Variants in PCDHA8 observed in about 807,000 individuals in gnomAD.
The protein encoded by PCDHA8 is protocadherin alpha 8.
PCDHA8 carries 53 observed loss-of-function variants against 61.8 expected under a neutral mutation model. The observed-to-expected ratio is 0.86, with a 90% CI of 0.69 to 1.08. PCDHA8 has a LOEUF of 1.08. PCDHA8 is among the 50% of genes least tolerant of loss of function. The pLI, the probability that PCDHA8 is intolerant of heterozygous loss-of-function variation, is 0.00. For missense variants in PCDHA8, 1,293 were observed against 1,245.0 expected, an observed-to-expected ratio of 1.04 and a Z score of -0.58; for synonymous variants, 618 against 556.6, an observed-to-expected ratio of 1.11 and a Z score of -1.55.
intron 1 of PCDHA8, among the ~76,000 whole-genome samples, chr5:140,846,179 C>T (rs1250648449): frequency 1.3e-5 from 2 of 149,312 alleles, no homozygotes; most frequent in African/African-American, 4.9e-5. Flanking sequence ...CCTGAGTAGG[C>T]GTTTGAGTTC....
chr5:140,945,605 C>G (rs564297850), intron 1 of PCDHA8, among the ~76,000 whole-genome samples: 1 of 152,166 alleles, frequency 6.6e-6, no homozygotes, highest in East Asian at 1.9e-4. Context: ...CTATAATAAT[C>G]AAAACAGCAT....
intron 2 of PCDHA8, 36 bp downstream of exon 2, chr5:140,979,043 C>G: frequency 6.2e-7 from 1 of 1,612,500 alleles, no homozygotes. Context: ...CAGAAGTAAC[C>G]TTAACTTGGT....
chr5:140,862,825 C>T (rs782012901), intron 1 of PCDHA8: 2 of 572,056 alleles, frequency 3.5e-6, no homozygotes, highest in Non-Finnish European at 6.7e-6. Context: ...GGTGAGAGCG[C>T]GCGACGCGGG....
At chr5:140,903,269 G>A (rs1251669520) in intron 1 of PCDHA8, among the ~76,000 whole-genome samples, 4 of 152,140 alleles carry the variant, frequency 2.6e-5, no homozygotes, top group African/African-American at 4.8e-5. Context: ...CAGGAGTGAG[G>A]TAGTGTCTCA....
chr5:140,857,868 C>T (rs782242383), intron 1 of PCDHA8: 2 of 1,597,584 alleles, frequency 1.3e-6, no homozygotes, highest in South Asian at 1.1e-5. Flanking sequence ...GCGTGGCTGT[C>T]GTATGAATTG....
intron 1 of PCDHA8, chr5:140,875,737 C>G: frequency 2.5e-6 from 4 of 1,614,224 alleles, no homozygotes; most frequent in Non-Finnish European, 3.4e-6. Flanking sequence ...TGTGAATTCT[C>G]GGATCGACCG....
rs76093196 is a variant in PCDHA8, at chr5:140,971,173, C to G, written c.2395-7776C>G. Reference sequence around the variant, plus strand: ...AGGCCAGGCTCAGCTTTGCCACCAGCTGTAAGCCGGAAGCTCAGAGGAAAG... The same window carrying G: ...AGGCCAGGCTCAGCTTTGCCACCAGGTGTAAGCCGGAAGCTCAGAGGAAAG... On this transcript the variant is annotated intron_variant, in intron 1 of 3. Transcript: ENST00000531613. Among the ~76,000 whole-genome samples the G allele has an allele frequency of 3.8e-3, 583 of 152,260 alleles. 1 individual carries two copies. Among genetic ancestry groups the G allele is most frequent in the Non-Finnish European group, 7.2e-3 (492 of 68,018 alleles).
rs2150362232 is a variant in PCDHA8, at chr5:140,843,537, T to C, written c.2216T>C (p.Leu739Pro). 3.1e-6 allele frequency: 5 copies of C among 1,595,784 alleles called. No individual in the cohort carries two copies. Among genetic ancestry groups the C allele is most frequent in the Non-Finnish European group, 4.3e-6 (5 of 1,165,476 alleles). ...EGGCRAGKPT[L>P]VCSSAVGSWS... ...GGGTGCCGGGCGGGCAAGCCCACTC[T>C]GGTGTGCTCCAGTGCGGTGGGGAGC... The change falls in exon 1 of 4, where the codon CTG becomes CCG. Residue 739 changes from leucine (L) to proline (P), a missense_variant. Leu to Pro is a moderately conservative substitution (Grantham distance 98). Coordinates refer to ENST00000531613, the MANE Select transcript of PCDHA8 (RefSeq NM_018911.3).
chr5:140,897,253 T>C (rs1481151592), intron 1 of PCDHA8, among the ~76,000 whole-genome samples: 1 of 151,928 alleles, frequency 6.6e-6, no homozygotes, highest in East Asian at 1.9e-4. Flanking sequence ...TACATATGTA[T>C]ACATGTGCCA....
intron 1 of PCDHA8, chr5:140,849,381 GA>G: frequency 6.6e-7 from 1 of 1,514,878 alleles, no homozygotes; most frequent in African/African-American, 1.5e-5. Flanking sequence ...GTTCCACATG[GA>G]CCCCTTAAGT....
At chr5:140,857,404 T>G (rs150677637) in intron 1 of PCDHA8, 4 of 1,597,852 alleles carry the variant, frequency 2.5e-6, no homozygotes, top group African/African-American at 1.3e-5. Context: ...ACAACGCGCC[T>G]GCGTTCGCGC....
At chr5:140,926,590 G>A (rs2083383863) in intron 1 of PCDHA8, 1 of 296,754 alleles carries the variant, frequency 3.4e-6, no homozygotes, top group Non-Finnish European at 6.1e-6. Context: ...CTCGCGCCCG[G>A]GCGGGCGGCC....
chr5:140,980,824 A>G (rs2096907010), intron 2 of PCDHA8, among the ~76,000 whole-genome samples: 1 of 152,192 alleles, frequency 6.6e-6, no homozygotes, highest in Non-Finnish European at 1.5e-5. Flanking sequence ...ATATTAAATG[A>G]GTTGTGAACC....
At chr5:140,876,209 G>A in intron 1 of PCDHA8, 1 of 1,613,924 alleles carries the variant, frequency 6.2e-7, no homozygotes. Flanking sequence ...GATAAGCCCA[G>A]CTATAAAGTA....
In PCDHA8 at chr5:141,009,709, C is replaced by A; in HGVS notation, c.2625C>A (p.Asn875Lys). The A allele has an allele frequency of 6.2e-7, 1 of 1,614,118 alleles. No homozygotes were observed. Among genetic ancestry groups the A allele is most frequent in the Non-Finnish European group, 8.5e-7 (1 of 1,180,024 alleles). Reference sequence around the variant, plus strand: ...GGACCTTTAAATACGGACCAGGCAACCCCAAACAATCCGGTCCCGGTGAGT... The same window carrying A: ...GGACCTTTAAATACGGACCAGGCAAACCCAAACAATCCGGTCCCGGTGAGT... ...NSWTFKYGPG[N>K]PKQSGPGELP... is the part of the protein sequence containing the mutation. The change falls in exon 4 of 4, where the codon AAC (asparagine) becomes AAA (lysine). Residue 875 changes from asparagine (N) to lysine (K), a missense_variant. Physicochemically the swap from Asn to Lys is moderately conservative, Grantham distance 94. Transcript: ENST00000531613.
At chr5:140,889,677 A>C (rs2062337974) in intron 1 of PCDHA8, among the ~76,000 whole-genome samples, 1 of 152,018 alleles carries the variant, frequency 6.6e-6, no homozygotes, top group Non-Finnish European at 1.5e-5. Flanking sequence ...TTTTATTTTA[A>C]ACCTTTTAGT....
chr5:140,866,633 G>A (rs900221819), intron 1 of PCDHA8: 71 of 152,170 alleles, frequency 4.7e-4, no homozygotes, highest in African/African-American at 1.6e-3. Flanking sequence ...TTCTGACAAC[G>A]GTGTCAAAAT....
intron 1 of PCDHA8, chr5:140,966,656 G>A: frequency 8.3e-7 from 1 of 1,203,372 alleles, no homozygotes; most frequent in East Asian, 3.0e-5. Flanking sequence ...GTGAGCGGTG[G>A]GGGAGCAGGC....
rs373922357 is a variant in PCDHA8, at chr5:140,927,079, G to C, written c.2395-51870G>C. On this transcript the variant is annotated intron_variant, in intron 1 of 3. Coordinates refer to ENST00000531613, the MANE Select transcript of PCDHA8 (RefSeq NM_018911.3). ...CTTTCGCTTCCTTTCCAGCCACCGC[G>C]AGCTCTACTTCGGGGTGGATCTACC... The C allele has an allele frequency of 2.5e-6, 4 of 1,610,870 alleles. No individual in the cohort carries two copies. In the African/African-American group the frequency reaches 5.3e-5, roughly 22 times the overall value.
Sources: gnomAD v4.1 joint callset for allele counts (sites outside exome capture counted in the v4.1 genomes callset) on GRCh38, gnomAD v4.1.1 for gene constraint, MANE v1.5 for transcripts, NCBI Gene and HGNC (gene_info 2026-07-23, HGNC 2026-07-21) for gene names.